The following RASSF4 variants were observed in gnomAD, a reference collection of about 807,000 sequenced individuals.
The protein encoded by RASSF4 is Ras association domain family member 4.
Under a neutral mutation model 41.1 loss-of-function variants are expected in RASSF4, and 38 were observed. That is an observed-to-expected ratio of 0.92 (90% confidence interval 0.71 to 1.21). The LOEUF (loss-of-function observed/expected upper bound fraction) is 1.21, where lower values mean the gene tolerates loss of function less well. RASSF4 is among the 50% of genes most tolerant of loss of function. The probability of loss-of-function intolerance (pLI) is 0.00; values close to 1 mark genes in which losing one functional copy is unlikely to be tolerated. For synonymous variants in RASSF4, 179 were observed against 163.4 expected (o/e 1.10, Z -0.73); for missense variants, 414 against 419.4 (o/e 0.99, Z 0.11).
intron 1 of RASSF4, among the ~76,000 whole-genome samples, chr10:44,961,251 C>T (rs1053915867): frequency 6.6e-6 from 1 of 152,216 alleles, no homozygotes; most frequent in African/African-American, 2.4e-5. Context: ...GTCTGAAACT[C>T]AGGAGATTGG....
At position 44,977,436 on chromosome 10, in the gene RASSF4, G is replaced by A. The variant is rs372152398; in HGVS notation, c.139-5085G>A. ...GGGAGGTGCGAGTAGAGTGTTCTGA[G>A]GACACTGCTGGGGCGGGGGCGGTGG... On this transcript the variant is annotated intron_variant, in intron 3 of 10. Coordinates refer to ENST00000340258, the MANE Select transcript of RASSF4 (RefSeq NM_032023.4). The A allele has an allele frequency of 1.9e-6, 3 of 1,609,678 alleles. No individual in the cohort carries two copies. In the African/African-American group the frequency reaches 4.0e-5, roughly 22 times the overall value.
intron 1 of RASSF4, among the ~76,000 whole-genome samples, chr10:44,964,146 A>G (rs1246630999): frequency 6.6e-6 from 1 of 152,264 alleles, no homozygotes; most frequent in Non-Finnish European, 1.5e-5. Context: ...CTCAGTAGTG[A>G]CAGCAGACTG....
chr10:44,981,373 CAAGATGAGT>C (rs1262203245), intron 3 of RASSF4: 4 of 152,292 alleles, frequency 2.6e-5, no homozygotes, highest in African/African-American at 9.6e-5. Flanking sequence ...TTCAGCTATG[CAAGATGAGT>C]AAGTCCTGGA....
chr10:44,968,022 G>A (rs1170016143), intron 1 of RASSF4, among the ~76,000 whole-genome samples: 2 of 152,204 alleles, frequency 1.3e-5, no homozygotes, highest in African/African-American at 2.4e-5. Context: ...TAGGGGAGCC[G>A]TGAACTTGCT....
intron 3 of RASSF4, among the ~76,000 whole-genome samples, chr10:44,979,412 C>T (rs996834200): frequency 1.3e-5 from 2 of 152,120 alleles, no homozygotes; most frequent in South Asian, 2.1e-4. Flanking sequence ...AACGTAGCAG[C>T]GGACAAAGGT....
chr10:44,987,642 T>G (rs1841969730), intron 6 of RASSF4, among the ~76,000 whole-genome samples: 2 of 147,840 alleles, frequency 1.4e-5, no homozygotes, highest in Admixed American at 1.3e-4. Flanking sequence ...TTTTTTTTTT[T>G]GCTGCACCTG....
rs184538905 is a variant in RASSF4, at chr10:44,971,147, G to C, written c.63-626G>C. 7.2e-5 allele frequency: 20 copies of C among 278,710 alleles called. No individual in the cohort carries two copies. The East Asian group carries it at 1.8e-3, about 26-fold the overall frequency. The allele number at this position is 278,710 out of a possible 1,614,324, so 17.3% of individuals were successfully genotyped here. ...TGGCCCCACAGCCCCACAGAGCCCA[G>C]CTTGGGTTCAGGCAGCTGTCCAGGC... On this transcript the variant is annotated intron_variant, in intron 2 of 10. Coordinates refer to ENST00000340258, the MANE Select transcript of RASSF4 (RefSeq NM_032023.4).
intron 1 of RASSF4, among the ~76,000 whole-genome samples, chr10:44,965,647 G>C (rs1319834626): frequency 1.3e-5 from 2 of 152,232 alleles, no homozygotes; most frequent in Admixed American, 6.5e-5. Flanking sequence ...ACCCAGCCCA[G>C]CAAGCTGGAA....
At position 44,993,412 on chromosome 10, in the gene RASSF4, T is replaced by G; in HGVS notation, c.*83T>G. 1 of 1,098,182 alleles carries G rather than the reference T, an allele frequency of 9.1e-7. No individual in the cohort carries two copies. The highest frequency in any genetic ancestry group is 1.5e-5 in the African/African-American group (1 of 64,802). 68.0% of individuals were successfully genotyped at this position (1,098,182 alleles called of 1,614,324 possible). A position where few individuals can be genotyped will look rare whatever the true frequency, so the allele number is the denominator to read the frequency against. ...TGGTTGCTGGCCCCGGCCGGTCACA[T>G]TGACTGATGGCCACCGCCTGACGAA... On this transcript the variant is annotated 3_prime_UTR_variant, in exon 11 of 11. Transcript: ENST00000340258.
chr10:44,974,597 G>A (rs1841319089), intron 3 of RASSF4, among the ~76,000 whole-genome samples: 1 of 147,602 alleles, frequency 6.8e-6, no homozygotes, highest in Non-Finnish European at 1.5e-5. Context: ...CACCCGGGGC[G>A]CGCTCCCAGA....
intron 3 of RASSF4, among the ~76,000 whole-genome samples, chr10:44,980,554 C>T (rs527308141): frequency 6.6e-6 from 1 of 152,320 alleles, no homozygotes; most frequent in Admixed American, 6.5e-5. Context: ...AAGCCCCCGA[C>T]CTTGTCCAGG....
At chr10:44,974,377 T>G (rs1841306693) in intron 3 of RASSF4, among the ~76,000 whole-genome samples, 1 of 152,222 alleles carries the variant, frequency 6.6e-6, no homozygotes, top group Non-Finnish European at 1.5e-5. Flanking sequence ...CTCCCAGAGT[T>G]TAAGTCTCTA....
intron 3 of RASSF4, chr10:44,982,223 G>A (rs1028085285): frequency 1.6e-5 from 7 of 433,988 alleles, no homozygotes; most frequent in East Asian, 5.1e-5. Flanking sequence ...CTTCTTCACC[G>A]CGGTGTGGAC....
intron 4 of RASSF4, chr10:44,983,736 G>T: frequency 2.3e-6 from 1 of 428,420 alleles, no homozygotes; most frequent in South Asian, 2.4e-5. Context: ...GAATGCGCAG[G>T]CCCTGACTAT....
chr10:44,986,617 C>T (rs1190423004), intron 6 of RASSF4, among the ~76,000 whole-genome samples: 1 of 152,228 alleles, frequency 6.6e-6, no homozygotes, highest in Non-Finnish European at 1.5e-5. Flanking sequence ...TCCCCCACCT[C>T]CTGGGTAAGG....
chr10:44,993,412 TTGAC>T lies in RASSF4; in HGVS notation c.*87_*90del. The stretch of plus-strand genomic sequence containing the variant: ...TGGTTGCTGGCCCCGGCCGGTCACA[TTGAC>T]TGATGGCCACCGCCTGACGAATCGA... On this transcript the variant is annotated 3_prime_UTR_variant, in exon 11 of 11. Coordinates refer to ENST00000340258, the MANE Select transcript of RASSF4 (RefSeq NM_032023.4). The T allele has an allele frequency of 9.1e-7, 1 of 1,098,182 alleles. No homozygotes were observed. Among genetic ancestry groups the T allele is most frequent in the Non-Finnish European group, 1.3e-6 (1 of 749,926 alleles). The allele number at this position is 1,098,182 out of a possible 1,614,324, so 68.0% of individuals were successfully genotyped here.
intron 3 of RASSF4, chr10:44,982,211 C>T: frequency 2.5e-6 from 1 of 404,210 alleles, no homozygotes; most frequent in South Asian, 2.7e-5. Flanking sequence ...TCCCTGGAAC[C>T]ACTTCTTCAC....
chr10:44,963,254 A>G (rs1381971793), intron 1 of RASSF4, among the ~76,000 whole-genome samples: 1 of 152,152 alleles, frequency 6.6e-6, no homozygotes, highest in East Asian at 1.9e-4. Flanking sequence ...ACTGGGCAGC[A>G]GGAGGGGACA....
intron 8 of RASSF4, chr10:44,990,711 T>G: frequency 2.6e-6 from 1 of 385,012 alleles, no homozygotes; most frequent in Non-Finnish European, 4.7e-6. Flanking sequence ...TTGTATCTTC[T>G]TCTTCTCAAT....
Sources: gnomAD v4.1 joint callset for allele counts (sites outside exome capture counted in the v4.1 genomes callset) on GRCh38, gnomAD v4.1.1 for gene constraint, MANE v1.5 for transcripts, NCBI Gene and HGNC (gene_info 2026-07-23, HGNC 2026-07-21) for gene names.